The following KCNJ16 variants were observed in gnomAD, a reference collection of about 807,000 sequenced individuals.
KCNJ16 encodes the protein potassium inwardly rectifying channel subfamily J member 16.
In KCNJ16, 15 loss-of-function variants were observed where a neutral mutation model predicts 18.5. That is an observed-to-expected ratio of 0.81 (90% CI 0.54 to 1.25). The LOEUF (loss-of-function observed/expected upper bound fraction) is 1.25. KCNJ16 is among the 50% of genes most tolerant of loss of function. The probability of loss-of-function intolerance (pLI) is 0.00; values close to 1 mark genes in which losing one functional copy is unlikely to be tolerated. For synonymous variants in KCNJ16, 174 were observed against 186.5 expected, an observed-to-expected ratio of 0.93 and a Z score of 0.55; for missense variants, 523 against 525.7, an observed-to-expected ratio of 0.99 and a Z score of 0.05.
At chr17:70,089,595 A>T (rs540355840) in intron 1 of KCNJ16, among the ~76,000 whole-genome samples, 3 of 152,200 alleles carry the variant, frequency 2.0e-5, no homozygotes, top group Non-Finnish European at 2.9e-5. Flanking sequence ...ATAAAACTAC[A>T]GGGTTTCCAT....
chr17:70,127,591 C>T (rs541890280), intron 2 of KCNJ16, among the ~76,000 whole-genome samples: 1 of 152,058 alleles, frequency 6.6e-6, no homozygotes, highest in African/African-American at 2.4e-5. Flanking sequence ...CTTCCTCTAC[C>T]GGCCTACTCT....
intron 3 of KCNJ16, chr17:70,131,392 G>A: frequency 1.9e-6 from 2 of 1,025,830 alleles, no homozygotes; most frequent in East Asian, 9.0e-5. Flanking sequence ...TTAATGTGAA[G>A]TAGTACTCCT....
chr17:70,083,693 A>G (rs181412669), intron 1 of KCNJ16, among the ~76,000 whole-genome samples: 1 of 152,246 alleles, frequency 6.6e-6, no homozygotes, highest in Admixed American at 6.5e-5. Context: ...CTAATGATGC[A>G]TTTGACAGAA....
chr17:70,079,934 C>T (rs1424503114), intron 1 of KCNJ16, among the ~76,000 whole-genome samples: 1 of 152,164 alleles, frequency 6.6e-6, no homozygotes, highest in Non-Finnish European at 1.5e-5. Flanking sequence ...AACTCCTAGC[C>T]TCAAGTAATC....
chr17:70,077,682 T>C (rs1567773500), intron 1 of KCNJ16, among the ~76,000 whole-genome samples: 1 of 151,998 alleles, frequency 6.6e-6, no homozygotes, highest in Non-Finnish European at 1.5e-5. Flanking sequence ...GTGTTTTTTT[T>C]TTTTGTTTGT....
chr17:70,092,665 C>T (rs1012933346), intron 1 of KCNJ16, among the ~76,000 whole-genome samples: 1 of 152,060 alleles, frequency 6.6e-6, no homozygotes, highest in Admixed American at 6.6e-5. Flanking sequence ...AGAAGTCCCA[C>T]AATATGCCAT....
At chr17:70,098,562 T>C (rs1488263626) in intron 1 of KCNJ16, among the ~76,000 whole-genome samples, 1 of 151,600 alleles carries the variant, frequency 6.6e-6, no homozygotes, top group African/African-American at 2.4e-5. Context: ...CTTTATGGCC[T>C]AGTGGCATAT....
At chr17:70,112,698 G>T (rs1399154732) in intron 2 of KCNJ16, among the ~76,000 whole-genome samples, 1 of 152,086 alleles carries the variant, frequency 6.6e-6, no homozygotes. Context: ...TCTCATCCCT[G>T]TCCCCTTCTC....
chr17:70,121,000 G>C (rs185800995), intron 2 of KCNJ16, among the ~76,000 whole-genome samples: 1 of 152,248 alleles, frequency 6.6e-6, no homozygotes, highest in Non-Finnish European at 1.5e-5. Context: ...AAGTTAGGGG[G>C]TATAAATGAT....
chr17:70,123,840 T>C (rs1357429666), intron 2 of KCNJ16, among the ~76,000 whole-genome samples: 1 of 152,320 alleles, frequency 6.6e-6, no homozygotes, highest in African/African-American at 2.4e-5. Flanking sequence ...GATACTTACA[T>C]TTCAGGTTTA....
At chr17:70,118,265 C>T (rs1035440432) in intron 2 of KCNJ16, among the ~76,000 whole-genome samples, 1 of 151,388 alleles carries the variant, frequency 6.6e-6, no homozygotes, top group Non-Finnish European at 1.5e-5. Context: ...GTCGGGGGTT[C>T]GGGGGCTAGG....
chr17:70,129,044 C>A (rs1021022489), intron 2 of KCNJ16, among the ~76,000 whole-genome samples: 2 of 152,214 alleles, frequency 1.3e-5, no homozygotes, highest in Non-Finnish European at 2.9e-5. Flanking sequence ...CTGACGCAGG[C>A]TGCTGACTCA....
chr17:70,102,529 G>C (rs1199684551), intron 2 of KCNJ16, among the ~76,000 whole-genome samples: 6 of 152,064 alleles, frequency 3.9e-5, no homozygotes, highest in Non-Finnish European at 7.4e-5. Context: ...ACCTGCACAA[G>C]TAGTTATTTT....
chr17:70,099,471 T>C (rs1344953160), intron 1 of KCNJ16, among the ~76,000 whole-genome samples: 1 of 151,990 alleles, frequency 6.6e-6, no homozygotes, highest in Non-Finnish European at 1.5e-5. Context: ...GACTTCCTCA[T>C]GGGTAAGGTC....
At position 70,096,273 on chromosome 17, in the gene KCNJ16, G is replaced by C. The variant is rs188417921; in HGVS notation, c.-299-4385G>C. Reference sequence around the variant, plus strand: ...TCTGATTTGGGTGGTTGTTTTCTTTGTGGAACTACTTAGAGGTCATATGAC... The same window carrying C: ...TCTGATTTGGGTGGTTGTTTTCTTTCTGGAACTACTTAGAGGTCATATGAC... On this transcript the variant is annotated intron_variant, in intron 1 of 3. Transcript: ENST00000392671. Among the ~76,000 whole-genome samples the C allele has an allele frequency of 8.4e-3, 1,273 of 152,140 alleles. 7 individuals carry two copies. The highest frequency in any genetic ancestry group is 0.015 in the Non-Finnish European group (996 of 68,004).
intron 2 of KCNJ16, among the ~76,000 whole-genome samples, chr17:70,125,595 G>A (rs1159976947): frequency 6.6e-6 from 1 of 152,032 alleles, no homozygotes; most frequent in East Asian, 1.9e-4. Context: ...AAAGAATTCG[G>A]GGCCAGTCCA....
At chr17:70,097,774 C>G (rs2072447051) in intron 1 of KCNJ16, among the ~76,000 whole-genome samples, 1 of 152,154 alleles carries the variant, frequency 6.6e-6, no homozygotes, top group South Asian at 2.1e-4. Context: ...AGAACCTTGA[C>G]TCTTTCCCAT....
At chr17:70,123,552 TAAAA>T (rs1420649151) in intron 2 of KCNJ16, among the ~76,000 whole-genome samples, 1 of 152,160 alleles carries the variant, frequency 6.6e-6, no homozygotes, top group Non-Finnish European at 1.5e-5. Flanking sequence ...TGACTATAAA[TAAAA>T]GAGAGCTTCC....
At chr17:70,077,063 G>C (rs2071345630) in intron 1 of KCNJ16, among the ~76,000 whole-genome samples, 1 of 152,204 alleles carries the variant, frequency 6.6e-6, no homozygotes, top group Non-Finnish European at 1.5e-5. Flanking sequence ...TAGAATCCTT[G>C]GAGAAGAGCA....
Sources: allele counts gnomAD v4.1 joint callset (sites outside exome capture counted in the v4.1 genomes callset), GRCh38; gene constraint gnomAD v4.1.1; transcripts MANE v1.5; gene names NCBI Gene and HGNC (gene_info 2026-07-23, HGNC 2026-07-21).